CRKL: variants seen among roughly 807,000 people sequenced by gnomAD.
CRKL encodes the protein CRK like proto-oncogene, adaptor protein.
In CRKL, 3 loss-of-function variants were observed where a neutral mutation model predicts 23.0. The observed-to-expected ratio is 0.13, with a 90% CI of 0.06 to 0.34. The LOEUF is 0.34. Among genes scored for constraint, CRKL ranks in the 10% least tolerant of loss-of-function variants. The pLI is 1.00. For synonymous variants in CRKL, 188 were observed against 160.7 expected, an observed-to-expected ratio of 1.17 and a Z score of -1.28; for missense variants, 256 against 394.5, an observed-to-expected ratio of 0.65 and a Z score of 2.97.
chr22:20,922,273 A>G (rs1921022213), intron 1 of CRKL, among the ~76,000 whole-genome samples: 2 of 151,714 alleles, frequency 1.3e-5, no homozygotes, highest in Admixed American at 6.6e-5. Context: ...CACCTGCCTC[A>G]GCCTCCCAAA....
At chr22:20,925,910 A>C (rs1025949614) in intron 1 of CRKL, among the ~76,000 whole-genome samples, 1 of 152,204 alleles carries the variant, frequency 6.6e-6, no homozygotes, top group Non-Finnish European at 1.5e-5. Flanking sequence ...AGACTCTTGG[A>C]ATCTAATGGA....
chr22:20,919,599 G>A (rs1387068548), intron 1 of CRKL, among the ~76,000 whole-genome samples: 1 of 152,090 alleles, frequency 6.6e-6, no homozygotes, highest in Non-Finnish European at 1.5e-5. Context: ...TTTATCAGAG[G>A]TTTCTTTTAT....
chr22:20,927,998 A>G (rs1309194158), intron 1 of CRKL, among the ~76,000 whole-genome samples: 1 of 151,942 alleles, frequency 6.6e-6, no homozygotes, highest in East Asian at 1.9e-4. Context: ...CATCTCTGTT[A>G]AAAATACAAA....
At chr22:20,935,609 C>T (rs1921629308) in intron 2 of CRKL, among the ~76,000 whole-genome samples, 1 of 151,406 alleles carries the variant, frequency 6.6e-6, no homozygotes, top group African/African-American at 2.4e-5. Context: ...TCACTGCATC[C>T]TCCGCCTCCT....
intron 1 of CRKL, among the ~76,000 whole-genome samples, chr22:20,919,051 C>G (rs963060022): frequency 5.4e-5 from 8 of 148,228 alleles, no homozygotes; most frequent in Non-Finnish European, 1.2e-4. Context: ...TCTCTGAACT[C>G]CAGGTTAAGA....
chr22:20,920,186 A>G (rs1052305264), intron 1 of CRKL, among the ~76,000 whole-genome samples: 1 of 152,174 alleles, frequency 6.6e-6, no homozygotes, highest in Admixed American at 6.6e-5. Flanking sequence ...GGTCATGAGT[A>G]CTAATAATAC....
In CRKL at chr22:20,933,732, C is replaced by T. The variant is rs945307538; in HGVS notation, c.312-47C>T. 2.0e-6 allele frequency: 3 copies of T among 1,494,928 alleles called. No homozygotes were observed. In the African/African-American group the frequency reaches 4.2e-5, roughly 21 times the overall value. The allele number at this position is 1,494,928 out of a possible 1,614,324, so 92.6% of individuals were successfully genotyped here. On this transcript the variant is annotated intron_variant, in intron 1 of 2. Coordinates refer to ENST00000354336, the MANE Select transcript of CRKL (RefSeq NM_005207.4). ...TATTAAGAAGTTTGACAGGCACTGG[C>T]TTAGAGTAAGATTTTTCTCTTAGAG...
chr22:20,934,664 C>T (rs972090851), intron 2 of CRKL, among the ~76,000 whole-genome samples: 2 of 152,026 alleles, frequency 1.3e-5, no homozygotes, highest in Non-Finnish European at 2.9e-5. Context: ...GTTTTTCTTC[C>T]AGTAAGGAAA....
In CRKL at chr22:20,950,680, C is replaced by T. The variant is rs558152517; in HGVS notation, c.*835C>T. The T allele has an allele frequency of 1.6e-4, 36 of 218,746 alleles. No individual in the cohort carries two copies. Among genetic ancestry groups the T allele is most frequent in the Non-Finnish European group, 2.7e-4 (30 of 109,128 alleles). 13.6% of individuals were successfully genotyped at this position (218,746 alleles called of 1,614,324 possible). A position where few individuals can be genotyped will look rare whatever the true frequency, so the allele number is the denominator to read the frequency against. The stretch of plus-strand genomic sequence containing the variant: ...CACCCGCCTTCAGCCTCCCAACGTG[C>T]TGGGATTACAGCCGTGAGCCGCCGC... On this transcript the variant is annotated 3_prime_UTR_variant, in exon 3 of 3. Transcript: ENST00000354336.
chr22:20,936,882 A>C (rs1333059560), intron 2 of CRKL, among the ~76,000 whole-genome samples: 1 of 140,948 alleles, frequency 7.1e-6, no homozygotes, highest in African/African-American at 2.7e-5. Flanking sequence ...TTTTTTCGAG[A>C]TGGAGTCTCA....
intron 1 of CRKL, 102 bp downstream of exon 1, chr22:20,918,347 G>A: frequency 7.6e-7 from 1 of 1,317,100 alleles, no homozygotes; most frequent in Non-Finnish European, 1.0e-6. Context: ...CATATTCCCC[G>A]CATTCTGAAC....
At position 20,928,944 on chromosome 22, in the gene CRKL, TA is replaced by T. The variant is rs1186859407; in HGVS notation, c.312-4832del. The stretch of plus-strand genomic sequence containing the variant: ...GCTTAGAACATATTAGCACTTGGTT[TA>T]AAGATGTTTTGTGTATGGTTTATAC... On this transcript the variant is annotated intron_variant, in intron 1 of 2. Coordinates refer to ENST00000354336, the MANE Select transcript of CRKL (RefSeq NM_005207.4). Among the ~76,000 whole-genome samples, 3 of 152,290 alleles carry T rather than the reference TA, an allele frequency of 2.0e-5. No homozygotes were observed. In the East Asian group the frequency reaches 5.8e-4, roughly 29 times the overall value.
intron 2 of CRKL, 130 bp downstream of exon 2, chr22:20,934,374 C>A: frequency 1.2e-6 from 1 of 824,706 alleles, no homozygotes; most frequent in Non-Finnish European, 1.8e-6. Flanking sequence ...GGAAGATACG[C>A]ACTGTTAGCG....
At chr22:20,930,631 C>T (rs545593184) in intron 1 of CRKL, among the ~76,000 whole-genome samples, 1 of 151,590 alleles carries the variant, frequency 6.6e-6, no homozygotes, top group Admixed American at 6.6e-5. Flanking sequence ...ATCCTCCCGC[C>T]TCGGCCTCCC....
At chr22:20,930,679 G>A (rs1180475854) in intron 1 of CRKL, among the ~76,000 whole-genome samples, 1 of 99,940 alleles carries the variant, frequency 1.0e-5, no homozygotes, top group African/African-American at 3.9e-5. Context: ...CACACGCCTG[G>A]CTTTTTTTTT....
chr22:20,937,179 C>T (rs1408561497), intron 2 of CRKL, among the ~76,000 whole-genome samples: 3 of 152,220 alleles, frequency 2.0e-5, no homozygotes, highest in Non-Finnish European at 4.4e-5. Context: ...CACCCACACA[C>T]AGACCTGCCT....
chr22:20,921,505 A>G (rs1226130620), intron 1 of CRKL, among the ~76,000 whole-genome samples: 3 of 37,674 alleles, frequency 8.0e-5, no homozygotes, highest in African/African-American at 1.4e-4. Context: ...AAGTACTAGT[A>G]AGATCAATAT....
Position 20,950,625 on chromosome 22 carries a change from C to CTGGT in CRKL, c.*781_*784dup, listed in dbSNP as rs774386531. The CTGGT allele has an allele frequency of 4.6e-6, 1 of 215,416 alleles. No homozygotes were observed. Among genetic ancestry groups the CTGGT allele is most frequent in the African/African-American group, 2.3e-5 (1 of 44,306 alleles). 13.3% of individuals were successfully genotyped at this position (215,416 alleles called of 1,614,324 possible). Reference sequence around the variant, plus strand: ...ACGGGGTTTCATCATGTTGACCAGGCTGGTCTCAAACTCCTGACTTCAGGT... The same window carrying CTGGT: ...ACGGGGTTTCATCATGTTGACCAGGCTGGTTGGTCTCAAACTCCTGACTTCAGGT... On this transcript the variant is annotated 3_prime_UTR_variant, in exon 3 of 3. Coordinates refer to ENST00000354336, the MANE Select transcript of CRKL (RefSeq NM_005207.4).
At position 20,923,108 on chromosome 22, in the gene CRKL, T is replaced by C. The variant is rs565977108; in HGVS notation, c.311+4863T>C. ...GATAAATTCAGGCTATGAAGAAAAA[T>C]TAGAATAAATAAAATTTTACCATTA... On this transcript the variant is annotated intron_variant, in intron 1 of 2. Coordinates refer to ENST00000354336, the MANE Select transcript of CRKL (RefSeq NM_005207.4). Among the ~76,000 whole-genome samples the C allele has an allele frequency of 1.1e-4, 17 of 152,178 alleles. No homozygotes were observed. The South Asian group carries it at 3.1e-3, about 28-fold the overall frequency.
Sources: allele counts gnomAD v4.1 joint callset (sites outside exome capture counted in the v4.1 genomes callset), GRCh38; gene constraint gnomAD v4.1.1; transcripts MANE v1.5; gene names NCBI Gene and HGNC (gene_info 2026-07-23, HGNC 2026-07-21).